TMEM184B: variants seen among roughly 807,000 people sequenced by gnomAD.
The protein encoded by TMEM184B is putative MAPK-activating protein FM08.
TMEM184B carries 17 observed loss-of-function variants against 41.8 expected under a neutral mutation model. The observed-to-expected ratio is 0.41, with a 90% CI of 0.28 to 0.61. The LOEUF (loss-of-function observed/expected upper bound fraction) is 0.61. Among genes scored for constraint, TMEM184B ranks in the 20% least tolerant of loss-of-function variants. The pLI is 0.34. For synonymous variants in TMEM184B, 240 were observed against 229.5 expected, an observed-to-expected ratio of 1.05 and a Z score of -0.41; for missense variants, 393 against 557.8, an observed-to-expected ratio of 0.70 and a Z score of 2.98.
At chr22:38,237,304 C>T (rs1482500050) in intron 3 of TMEM184B, among the ~76,000 whole-genome samples, 1 of 152,210 alleles carries the variant, frequency 6.6e-6, no homozygotes, top group East Asian at 1.9e-4. Flanking sequence ...CAGTACTTGC[C>T]CTCTCACGTT....
In TMEM184B at chr22:38,272,891, G is replaced by A; in HGVS notation, c.-66C>T. The A allele has an allele frequency of 1.2e-6, 1 of 823,370 alleles. No individual in the cohort carries two copies. Among genetic ancestry groups the A allele is most frequent in the Non-Finnish European group, 1.5e-6 (1 of 682,100 alleles). The allele number at this position is 823,370 out of a possible 1,614,324, so 51.0% of individuals were successfully genotyped here. On this transcript the variant is annotated 5_prime_UTR_variant, in exon 1 of 9. Transcript: ENST00000361906. Reference sequence around the variant, plus strand: ...GCCGGCCAGGCGGGATACCTCAGGAGCCCATGGCGGTGGCGGCGTCTGCGG... The same window carrying A: ...GCCGGCCAGGCGGGATACCTCAGGAACCCATGGCGGTGGCGGCGTCTGCGG...
chr22:38,230,828 C>G, intron 4 of TMEM184B, 84 bp from the exon 5 acceptor site: 2 of 1,321,666 alleles, frequency 1.5e-6, no homozygotes, highest in Non-Finnish European at 2.1e-6. Context: ...GCCGCCCTCC[C>G]ACCCATCCAG....
intron 3 of TMEM184B, among the ~76,000 whole-genome samples, chr22:38,240,044 T>C (rs2091869348): frequency 1.3e-5 from 2 of 151,890 alleles, no homozygotes; most frequent in Non-Finnish European, 2.9e-5. Flanking sequence ...AGCCTCAAAC[T>C]CCTGGGCTCA....
chr22:38,225,459 A>G lies in TMEM184B; in HGVS notation c.752T>C (p.Met251Thr), dbSNP rs1374740339. The G allele has an allele frequency of 9.5e-6, 15 of 1,577,672 alleles. No individual in the cohort carries two copies. The highest frequency in any genetic ancestry group is 1.1e-5 in the Non-Finnish European group (13 of 1,166,704). ...GGAAAGAAAGATGACGGACTTGACC[A>G]TGAAGAACTTGAGGACGGGGCTGTA... is the stretch of plus-strand genomic sequence containing the variant. ...SPYSPVLKFF[M>T]VKSVIFLSFW... is the part of the protein sequence containing the mutation. Residue 251 changes from methionine (M) to threonine (T), a missense_variant, in exon 7 of 9, where the codon ATG becomes ACG. This residue lies in a region of TMEM184B where 271 missense variants were observed against 434.1 expected (regional missense o/e 0.62). Transcript: ENST00000361906. The surrounding 1 kb of genome is among the most constrained non-coding windows in gnomAD (Gnocchi z 4.4).
In TMEM184B at chr22:38,221,361, C is replaced by T. The variant is rs937439705; in HGVS notation, c.*108G>A. The T allele has an allele frequency of 2.0e-6, 3 of 1,480,484 alleles. No individual in the cohort carries two copies. Among genetic ancestry groups the T allele is most frequent in the African/African-American group, 1.4e-5 (1 of 71,376 alleles). 91.7% of individuals were successfully genotyped at this position (1,480,484 alleles called of 1,614,324 possible). Reference sequence around the variant, plus strand: ...GTGTTTCTGGTCCAATAAATAAAGGCGGCGTGAGCACTGTGCCAGCTGCCT... The same window carrying T: ...GTGTTTCTGGTCCAATAAATAAAGGTGGCGTGAGCACTGTGCCAGCTGCCT... On this transcript the variant is annotated 3_prime_UTR_variant, in exon 9 of 9. Transcript: ENST00000361906.
At chr22:38,236,513 TCA>T (rs2091777376) in intron 3 of TMEM184B, among the ~76,000 whole-genome samples, 1 of 151,952 alleles carries the variant, frequency 6.6e-6, no homozygotes, top group South Asian at 2.1e-4. Flanking sequence ...ATGCAGGATC[TCA>T]CTCTGTTGCC....
Position 38,272,879 on chromosome 22 carries a change from G to C in TMEM184B, c.-59+5C>G. 1.1e-6 allele frequency: 1 copy of C among 869,632 alleles called. No individual in the cohort carries two copies. The highest frequency in any genetic ancestry group is 1.4e-6 in the Non-Finnish European group (1 of 724,376). 53.9% of individuals were successfully genotyped at this position (869,632 alleles called of 1,614,324 possible). ...CTCCCGGGCGAGGCCGGCCAGGCGG[G>C]ATACCTCAGGAGCCCATGGCGGTGG... On this transcript the variant is annotated splice_donor_5th_base_variant and intron_variant, in intron 1 of 8. Coordinates refer to ENST00000361906, the MANE Select transcript of TMEM184B (RefSeq NM_012264.5).
intron 1 of TMEM184B, among the ~76,000 whole-genome samples, chr22:38,254,388 C>T (rs1411459641): frequency 6.6e-6 from 1 of 151,726 alleles, no homozygotes; most frequent in East Asian, 1.9e-4. Context: ...TCACTTGAAG[C>T]CAGGAATTCA....
downstream of TMEM184B, among the ~76,000 whole-genome samples, chr22:38,218,686 G>A (rs2091179528): frequency 6.6e-6 from 1 of 152,224 alleles, no homozygotes; most frequent in African/African-American, 2.4e-5. Context: ...CCATGACCCT[G>A]AAATGCTGAG....
At chr22:38,242,506 C>T (rs1448941734) in intron 3 of TMEM184B, among the ~76,000 whole-genome samples, 2 of 152,106 alleles carry the variant, frequency 1.3e-5, no homozygotes, top group African/African-American at 4.8e-5. Context: ...AGCAAATGAC[C>T]GTAGTGCTCA....
chr22:38,252,052 T>G (rs61705219), intron 1 of TMEM184B, among the ~76,000 whole-genome samples: 8,806 of 151,418 alleles, frequency 0.058, 838 homozygotes, highest in African/African-American at 0.2. Context: ...TGTGCCACCA[T>G]GTCCAACAAA....
downstream of TMEM184B, among the ~76,000 whole-genome samples, chr22:38,217,756 G>A (rs2091166993): frequency 1.3e-5 from 2 of 150,692 alleles, no homozygotes; most frequent in African/African-American, 4.9e-5. Flanking sequence ...GCTTAAACCC[G>A]GGAAGCAGAG....
chr22:38,234,319 A>G (rs909561743), intron 3 of TMEM184B, among the ~76,000 whole-genome samples: 2 of 152,312 alleles, frequency 1.3e-5, no homozygotes, highest in African/African-American at 2.4e-5. Flanking sequence ...CACCGCACAG[A>G]GAGGCTCATG....
intron 2 of TMEM184B, among the ~76,000 whole-genome samples, 196 bp from the exon 3 acceptor site, chr22:38,246,296 G>A (rs373651997): frequency 1.3e-5 from 2 of 152,222 alleles, no homozygotes; most frequent in East Asian, 1.9e-4. Context: ...TCAGACCAGC[G>A]GGCGTGCACA....
intron 8 of TMEM184B, chr22:38,222,533 G>A (rs368002043): frequency 1.0e-5 from 10 of 957,978 alleles, no homozygotes; most frequent in East Asian, 1.2e-4. Context: ...AGGGGGTGCC[G>A]GTGGGGAGGA....
chr22:38,231,456 T>G (rs559614541), intron 3 of TMEM184B, 122 bp from the exon 4 acceptor site: 1 of 837,904 alleles, frequency 1.2e-6, no homozygotes, highest in African/African-American at 1.7e-5. Context: ...GGGAGGAGGC[T>G]GGGGGACATA....
At chr22:38,252,916 G>C (rs2092199226) in intron 1 of TMEM184B, among the ~76,000 whole-genome samples, 1 of 152,206 alleles carries the variant, frequency 6.6e-6, no homozygotes, top group East Asian at 1.9e-4. Flanking sequence ...GCCGAGCTGG[G>C]TGGATCACGA....
At chr22:38,259,268 TTTA>T (rs1332283281) in intron 1 of TMEM184B, among the ~76,000 whole-genome samples, 2 of 152,204 alleles carry the variant, frequency 1.3e-5, no homozygotes, top group African/African-American at 4.8e-5. Flanking sequence ...GCCCATGGAT[TTTA>T]TTATGTGCTG....
At chr22:38,264,765 C>A (rs1435259354) in intron 1 of TMEM184B, among the ~76,000 whole-genome samples, 1 of 152,162 alleles carries the variant, frequency 6.6e-6, no homozygotes, top group Non-Finnish European at 1.5e-5. Flanking sequence ...CCAACTACTG[C>A]AAACTGGGAA....
Sources: gnomAD v4.1 joint callset for allele counts (sites outside exome capture counted in the v4.1 genomes callset) on GRCh38, gnomAD v4.1.1 for gene constraint, gnomAD v4.1.1 regional missense constraint, Gnocchi (gnomAD v3.1) non-coding constraint, MANE v1.5 for transcripts, NCBI Gene and HGNC (gene_info 2026-07-23, HGNC 2026-07-21) for gene names.